The following INPP4B variants were observed in gnomAD, a reference collection of about 807,000 sequenced individuals.
The protein encoded by INPP4B is inositol polyphosphate 4-phosphatase type II.
INPP4B carries 55 observed loss-of-function variants against 122.5 expected under a neutral mutation model. That is an observed-to-expected ratio of 0.45 (90% CI 0.36 to 0.56). INPP4B has a LOEUF of 0.56. Ranked by LOEUF, INPP4B falls within the 20% of genes least tolerant of loss-of-function variation. INPP4B has a pLI of 0.00. For missense variants in INPP4B, 1,000 were observed against 1,097.7 expected (o/e 0.91, Z 1.26); for synonymous variants, 403 against 388.7 (o/e 1.04, Z -0.43).
chr4:142,403,432 C>T (rs1380685714), intron 6 of INPP4B, among the ~76,000 whole-genome samples: 8 of 152,116 alleles, frequency 5.3e-5, no homozygotes, highest in Non-Finnish European at 7.4e-5. Context: ...CTATTTTCTC[C>T]GAAAGAACCA....
chr4:142,237,432 G>A (rs1048503240), intron 12 of INPP4B, among the ~76,000 whole-genome samples: 8 of 151,970 alleles, frequency 5.3e-5, no homozygotes, highest in African/African-American at 9.7e-5. Flanking sequence ...AAGCAGGTGA[G>A]GTTAACTTTA....
At chr4:142,133,220 T>C (rs79136516) in intron 18 of INPP4B, among the ~76,000 whole-genome samples, 14,568 of 152,232 alleles carry the variant, frequency 0.096, 779 homozygotes, top group Middle Eastern at 0.14. Context: ...ATCCCTGCTG[T>C]TATTATTCAG....
At chr4:142,045,689 G>T (rs566541078) in intron 25 of INPP4B, among the ~76,000 whole-genome samples, 2 of 152,050 alleles carry the variant, frequency 1.3e-5, no homozygotes, top group African/African-American at 4.8e-5. Flanking sequence ...TTCCCAAAAT[G>T]TGTGTAATTA....
intron 9 of INPP4B, among the ~76,000 whole-genome samples, chr4:142,288,623 C>G (rs538430831): frequency 6.6e-6 from 1 of 152,252 alleles, no homozygotes; most frequent in East Asian, 1.9e-4. Context: ...TGAATCTGGC[C>G]TATCTTCCCT....
chr4:142,091,850 T>C (rs1352062203), intron 23 of INPP4B, among the ~76,000 whole-genome samples: 1 of 152,182 alleles, frequency 6.6e-6, no homozygotes, highest in Non-Finnish European at 1.5e-5. Context: ...TTCATTCTCT[T>C]ATGGCCAAAT....
At chr4:142,712,870 T>C (rs1763283897) in intron 2 of INPP4B, among the ~76,000 whole-genome samples, 1 of 152,180 alleles carries the variant, frequency 6.6e-6, no homozygotes, top group Non-Finnish European at 1.5e-5. Context: ...GTTTTACTAT[T>C]ATCTCCATCT....
chr4:142,512,150 G>A (rs760759395), intron 2 of INPP4B, among the ~76,000 whole-genome samples: 54 of 152,170 alleles, frequency 3.5e-4, no homozygotes, highest in Admixed American at 1.1e-3. Flanking sequence ...TAAGAATATC[G>A]TAATACAGCA....
Position 142,429,174 on chromosome 4 carries a change from A to G in INPP4B, c.135T>C (p.Leu45=). ...TPNEPQLEFI[L]ACKDLVAPVR... Reference sequence around the variant, plus strand: ...TATAAATAAGATGGAATTTCTTACCAAGGATGAATTCCAACTGCGGTTCAT... The same window carrying G: ...TATAAATAAGATGGAATTTCTTACCGAGGATGAATTCCAACTGCGGTTCAT... Residue 45 remains leucine, a splice_region_variant and synonymous_variant, in exon 5 of 26, where the codon CTT becomes CTC. Transcript: ENST00000262992. The G allele has an allele frequency of 1.3e-6, 2 of 1,540,268 alleles. No individual in the cohort carries two copies. The highest frequency in any genetic ancestry group is 1.4e-5 in the African/African-American group (1 of 73,150).
At chr4:142,079,573 T>C (rs1035539004) in intron 25 of INPP4B, among the ~76,000 whole-genome samples, 1 of 152,116 alleles carries the variant, frequency 6.6e-6, no homozygotes, top group Non-Finnish European at 1.5e-5. Flanking sequence ...GTAGGAAATT[T>C]ATAAGAGTTA....
At chr4:142,695,591 G>A (rs1404687948) in intron 2 of INPP4B, among the ~76,000 whole-genome samples, 6 of 152,054 alleles carry the variant, frequency 3.9e-5, no homozygotes, top group Non-Finnish European at 1.5e-5. Flanking sequence ...ATAAATTTAT[G>A]ATGAAAATAA....
At chr4:142,837,159 A>AAAT (rs150797757) in intron 1 of INPP4B, among the ~76,000 whole-genome samples, 2,189 of 149,056 alleles carry the variant, frequency 0.015, 40 homozygotes, top group African/African-American at 0.036. Flanking sequence ...ACAGTCTCAA[A>AAAT]AATAATAATA....
chr4:142,667,063 A>G (rs1265569386), intron 2 of INPP4B, among the ~76,000 whole-genome samples: 1 of 152,164 alleles, frequency 6.6e-6, no homozygotes, highest in Non-Finnish European at 1.5e-5. Flanking sequence ...GGCATTTGAA[A>G]GCCTAAATTG....
At chr4:142,503,334 A>G (rs78947965) in intron 2 of INPP4B, among the ~76,000 whole-genome samples, 1,760 of 152,282 alleles carry the variant, frequency 0.012, 33 homozygotes, top group African/African-American at 0.04. Context: ...GGGCAGTTTG[A>G]AGCAAGATAA....
intron 7 of INPP4B, among the ~76,000 whole-genome samples, chr4:142,331,189 T>C (rs1226987206): frequency 1.3e-5 from 2 of 152,156 alleles, no homozygotes; most frequent in African/African-American, 2.4e-5. Context: ...AGGACAAGGA[T>C]GGAGGAAGCT....
At chr4:142,222,937 T>C (rs1022848879) in intron 12 of INPP4B, among the ~76,000 whole-genome samples, 2 of 152,246 alleles carry the variant, frequency 1.3e-5, no homozygotes, top group Non-Finnish European at 2.9e-5. Context: ...TTACCATGTA[T>C]ATGGTTCTTT....
intron 1 of INPP4B, among the ~76,000 whole-genome samples, chr4:142,770,847 C>G (rs762202559): frequency 1.1e-4 from 16 of 152,066 alleles, no homozygotes; most frequent in Non-Finnish European, 1.8e-4. Context: ...TAGAGAGCTA[C>G]AAGACAGGGC....
At chr4:142,110,625 A>G (rs1331497941) in intron 22 of INPP4B, among the ~76,000 whole-genome samples, 1 of 152,146 alleles carries the variant, frequency 6.6e-6, no homozygotes, top group Admixed American at 6.6e-5. Flanking sequence ...AGTGCTATTC[A>G]AATTCAGGCC....
At chr4:142,523,072 C>T (rs1826315150) in intron 2 of INPP4B, among the ~76,000 whole-genome samples, 2 of 152,018 alleles carry the variant, frequency 1.3e-5, no homozygotes, top group Non-Finnish European at 1.5e-5. Context: ...GAGTTGATTC[C>T]AAGCTGTGGT....
intron 11 of INPP4B, among the ~76,000 whole-genome samples, chr4:142,250,498 T>C (rs1182060145): frequency 6.6e-6 from 1 of 152,154 alleles, no homozygotes; most frequent in African/African-American, 2.4e-5. Context: ...ACCACATGGG[T>C]ACAGAATGGA....
Sources: gnomAD v4.1 joint callset for allele counts (sites outside exome capture counted in the v4.1 genomes callset) on GRCh38, gnomAD v4.1.1 for gene constraint, MANE v1.5 for transcripts, NCBI Gene and HGNC (gene_info 2026-07-23, HGNC 2026-07-21) for gene names.